Variants in IL11 observed in about 807,000 individuals in gnomAD.
The protein encoded by IL11 is interleukin 11, also known as interleukin-11.
A neutral mutation model predicts 18.1 loss-of-function variants in IL11; 17 were observed. The ratio of observed to expected loss-of-function variants is 0.94; its 90% CI spans 0.64 to 1.41. The LOEUF (loss-of-function observed/expected upper bound fraction) is 1.41. IL11 is among the 40% of genes most tolerant of loss of function. IL11 has a pLI of 0.00. For missense variants in IL11, 309 were observed against 262.8 expected (o/e 1.18, Z -1.22); for synonymous variants, 144 against 134.1 (o/e 1.07, Z -0.51).
At position 55,370,423 on chromosome 19, in the gene IL11, G is replaced by A; in HGVS notation, c.-113C>T. 4.9e-6 allele frequency: 4 copies of A among 809,736 alleles called. No individual in the cohort carries two copies. Among genetic ancestry groups the A allele is most frequent in the Non-Finnish European group, 5.4e-6 (3 of 558,364 alleles). 50.2% of individuals were successfully genotyped at this position (809,736 alleles called of 1,614,324 possible). A position where few individuals can be genotyped will look rare whatever the true frequency, so the allele number is the denominator to read the frequency against. On this transcript the variant is annotated 5_prime_UTR_variant, in exon 1 of 5. Coordinates refer to ENST00000264563, the MANE Select transcript of IL11 (RefSeq NM_000641.4). The stretch of plus-strand genomic sequence containing the variant: ...GAGGGTCAGCTGGGCCGCGGCCTGG[G>A]GAGGGGAGGCATGTGCCCTGAGCAG...
Position 55,365,729 on chromosome 19 carries a change from G to A in IL11, c.*278C>T. On this transcript the variant is annotated 3_prime_UTR_variant, in exon 5 of 5. Coordinates refer to ENST00000264563, the MANE Select transcript of IL11 (RefSeq NM_000641.4). ...CAGGCCTAGATGGGGAAGAGCCAGG[G>A]CAGAAGTCTGTGGACAGACTTCTTG... 2.1e-6 allele frequency: 1 copy of A among 476,240 alleles called. No homozygotes were observed. The highest frequency in any genetic ancestry group is 3.7e-6 in the Non-Finnish European group (1 of 271,306). 29.5% of individuals were successfully genotyped at this position (476,240 alleles called of 1,614,324 possible). A position where few individuals can be genotyped will look rare whatever the true frequency, so the allele number is the denominator to read the frequency against.
rs2089788655 is a variant in IL11, at chr19:55,366,778, C to A, written c.430-601G>T. Among the ~76,000 whole-genome samples the A allele has an allele frequency of 6.6e-6, 1 of 152,102 alleles. No individual in the cohort carries two copies. Among genetic ancestry groups the A allele is most frequent in the Non-Finnish European group, 1.5e-5 (1 of 68,026 alleles). On this transcript the variant is annotated intron_variant, in intron 4 of 4. Transcript: ENST00000264563. This position sits in a 1 kb window ranked among gnomAD's most constrained non-coding sequence, Gnocchi z 4.6. ...AGCGAGCCGAAATGGCACCATTGCA[C>A]TCTAGCCTGGGCAACAGAGCGCGAG...
chr19:55,370,094 C>T (rs1206285109), intron 1 of IL11, among the ~76,000 whole-genome samples: 3 of 152,256 alleles, frequency 2.0e-5, no homozygotes, highest in African/African-American at 7.2e-5. Context: ...CCTGCGGCGC[C>T]TCTGATTGGC....
Position 55,368,925 on chromosome 19 carries a change from G to A in IL11, c.24C>T (p.Val8=), listed in dbSNP as rs980341731. 6.6e-7 allele frequency: 1 copy of A among 1,523,878 alleles called. No individual in the cohort carries two copies. The highest frequency in any genetic ancestry group is 1.4e-5 in the African/African-American group (1 of 72,914). 94.4% of individuals were successfully genotyped at this position (1,523,878 alleles called of 1,614,324 possible). A position where few individuals can be genotyped will look rare whatever the true frequency, so the allele number is the denominator to read the frequency against. Residue 8 remains valine, a synonymous_variant, in exon 2 of 5, where the codon GTC becomes GTT. Transcript: ENST00000264563. MNCVCRL[V]LVVLSLWPDT... ...CTGGCCACAGGCTCAGCACGACCAG[G>A]ACCAGGCGGCAAACACCTGGGGGCA...
Position 55,366,287 on chromosome 19 carries a change from T to G in IL11, c.430-110A>C. On this transcript the variant is annotated intron_variant, in intron 4 of 4. Coordinates refer to ENST00000264563, the MANE Select transcript of IL11 (RefSeq NM_000641.4). This position sits in a 1 kb window ranked among gnomAD's most constrained non-coding sequence, Gnocchi z 4.6. ...CGGGGCTGCATATTCACAGGGGGAC[T>G]GTGGCGCGTGGGGTGAAGTGTTTAG... is the stretch of plus-strand genomic sequence containing the variant. 8.6e-7 allele frequency: 1 copy of G among 1,160,534 alleles called. No homozygotes were observed. 71.9% of individuals were successfully genotyped at this position (1,160,534 alleles called of 1,614,324 possible).
chr19:55,368,292 C>T lies in IL11; in HGVS notation c.347G>A (p.Gly116Asp). 1 of 1,570,916 alleles carries T rather than the reference C, an allele frequency of 6.4e-7. No homozygotes were observed. The highest frequency in any genetic ancestry group is 8.6e-7 in the Non-Finnish European group (1 of 1,157,374). ...GGGCTCCAGGGTCTTCAGGGAAGAG[C>T]CACCTGCCCGGCGCAGCCACTGCAC... is the stretch of plus-strand genomic sequence containing the variant. ...RHVQWLRRAG[G>D]SSLKTLEPEL... The change falls in exon 4 of 5, where the codon GGC (glycine) becomes GAC (aspartate). Residue 116 changes from glycine (G) to aspartate (D), a missense_variant. Gly to Asp is a moderately conservative substitution (Grantham distance 94, BLOSUM62 -1). Coordinates refer to ENST00000264563, the MANE Select transcript of IL11 (RefSeq NM_000641.4).
Position 55,366,071 on chromosome 19 carries a change from C to G in IL11, c.536G>C (p.Gly179Ala), listed in dbSNP as rs1489469892. 3 of 1,597,802 alleles carry G rather than the reference C, an allele frequency of 1.9e-6. No individual in the cohort carries two copies. The South Asian group carries it at 3.4e-5, about 18-fold the overall frequency. ...GGIRAAHAILGGLHLTLDWAV... is the reference protein window; with the variant it reads ...GGIRAAHAILAGLHLTLDWAV... ...CCAGTCAAGTGTCAGGTGCAGCCCC[C>G]CCAGGATGGCGTGGGCGGCCCTGAT... Residue 179 changes from glycine (G) to alanine (A), a missense_variant, in exon 5 of 5, where the codon GGG (glycine) becomes GCG (alanine). Coordinates refer to ENST00000264563, the MANE Select transcript of IL11 (RefSeq NM_000641.4). This position sits in a 1 kb window ranked among gnomAD's most constrained non-coding sequence, Gnocchi z 4.6.
rs1474434597 is a variant in IL11 at position 55,364,382 on chromosome 19, T to C, written c.*1625A>G. 1 of 152,230 alleles carries C rather than the reference T, an allele frequency of 6.6e-6. No individual in the cohort carries two copies. Among genetic ancestry groups the C allele is most frequent in the Non-Finnish European group, 1.5e-5 (1 of 68,050 alleles). The allele number at this position is 152,230 out of a possible 1,614,324, so 9.4% of individuals were successfully genotyped here. A position where few individuals can be genotyped will look rare whatever the true frequency, so the allele number is the denominator to read the frequency against. Reference sequence around the variant, plus strand: ...ATTTTTGGAGAGGAGGAGGCTGATATTCTGTTATTCTAAAAATAGTGTTTA... The same window carrying C: ...ATTTTTGGAGAGGAGGAGGCTGATACTCTGTTATTCTAAAAATAGTGTTTA... On this transcript the variant is annotated 3_prime_UTR_variant, in exon 5 of 5. Coordinates refer to ENST00000264563, the MANE Select transcript of IL11 (RefSeq NM_000641.4).
chr19:55,368,475 GC>G lies in IL11; in HGVS notation c.267+7del. ...CACCTTGTCCCCAGCCCACTCCCTT[GC>G]CCTTACCTGTAGAGCTCCCAGTGCC... On this transcript the variant is annotated splice_region_variant and intron_variant, in intron 3 of 4. Coordinates refer to ENST00000264563, the MANE Select transcript of IL11 (RefSeq NM_000641.4). 1 of 1,605,438 alleles carries G rather than the reference GC, an allele frequency of 6.2e-7. No individual in the cohort carries two copies. Among genetic ancestry groups the G allele is most frequent in the Non-Finnish European group, 8.5e-7 (1 of 1,175,082 alleles).
chr19:55,367,863 G>A (rs1179060631), intron 4 of IL11, among the ~76,000 whole-genome samples: 1 of 152,034 alleles, frequency 6.6e-6, no homozygotes, highest in Non-Finnish European at 1.5e-5. Context: ...TGGGTCTTAG[G>A]GGCTGGGATC....
At chr19:55,370,198 C>G in intron 1 of IL11, 106 bp downstream of exon 1, 2 of 848,536 alleles carry the variant, frequency 2.4e-6, no homozygotes, top group African/African-American at 3.4e-5. Context: ...TGCCTGTCTC[C>G]GGGTCCCTCT....
In IL11 at chr19:55,365,286, G is replaced by C. The variant is rs4252561; in HGVS notation, c.*721C>G. The C allele has an allele frequency of 0.27, 41,180 of 152,410 alleles. 5,834 individuals are homozygous for C. The highest frequency in any genetic ancestry group is 0.42 in the South Asian group (2,009 of 4,836). The allele number at this position is 152,410 out of a possible 1,614,324, so 9.4% of individuals were successfully genotyped here. ...AATTGCTTGAACCCGGGAGGTGGAGGTTGCAGTGACCTCAGATTGCCTCAC... is the reference window on the plus strand; with the variant it reads ...AATTGCTTGAACCCGGGAGGTGGAGCTTGCAGTGACCTCAGATTGCCTCAC... On this transcript the variant is annotated 3_prime_UTR_variant, in exon 5 of 5. Coordinates refer to ENST00000264563, the MANE Select transcript of IL11 (RefSeq NM_000641.4).
Position 55,368,260 on chromosome 19 carries a change from C to CCAGCT in IL11, c.374_378dup (p.Gly127SerfsTer19), listed in dbSNP as rs1569032128. On this transcript the variant is annotated frameshift_variant, in exon 4 of 5. Coordinates refer to ENST00000264563, the MANE Select transcript of IL11 (RefSeq NM_000641.4). LOFTEE classifies it high-confidence loss of function. ...CGGTCCAGTCGGGCCTGCAGGGTGCCCAGCTCGGGCTCCAGGGTCTTCAGG... is the reference window on the plus strand; with the variant it reads ...CGGTCCAGTCGGGCCTGCAGGGTGCCCAGCTCAGCTCGGGCTCCAGGGTCTTCAGG... 4 of 1,550,024 alleles carry CCAGCT rather than the reference C, an allele frequency of 2.6e-6. No homozygotes were observed. The highest frequency in any genetic ancestry group is 3.5e-6 in the Non-Finnish European group (4 of 1,146,486).
chr19:55,369,050 C>T lies in IL11; in HGVS notation c.8-109G>A. ...GGAGGAGGAACTGGGGTCTGGACTC[C>T]TCCTGGGTCTGAGGGAGGAGAGGCT... is the stretch of plus-strand genomic sequence containing the variant. On this transcript the variant is annotated intron_variant, in intron 1 of 4. Transcript: ENST00000264563. The surrounding 1 kb of genome is among the most constrained non-coding windows in gnomAD (Gnocchi z 6.1). The T allele has an allele frequency of 2.0e-6, 2 of 1,020,716 alleles. No individual in the cohort carries two copies. The highest frequency in any genetic ancestry group is 2.8e-6 in the Non-Finnish European group (2 of 719,720). The allele number at this position is 1,020,716 out of a possible 1,614,324, so 63.2% of individuals were successfully genotyped here. A position where few individuals can be genotyped will look rare whatever the true frequency, so the allele number is the denominator to read the frequency against.
In IL11 at chr19:55,368,310, C is replaced by A; in HGVS notation, c.329G>T (p.Trp110Leu). The change falls in exon 4 of 5, where the codon TGG becomes TTG. Residue 110 changes from tryptophan (W) to leucine (L), a missense_variant. By Grantham distance (61) the Trp-to-Leu change is moderately conservative. Transcript: ENST00000264563. ...DLLSYLRHVQ[W>L]LRRAGGSSLK... is the part of the protein sequence containing the mutation. ...GGAAGAGCCACCTGCCCGGCGCAGC[C>A]ACTGCACGTGCCGCAGGTAGGACAG... 1 of 1,590,962 alleles carries A rather than the reference C, an allele frequency of 6.3e-7. No individual in the cohort carries two copies. Among genetic ancestry groups the A allele is most frequent in the Non-Finnish European group, 8.6e-7 (1 of 1,168,048 alleles).
rs774860817 is a variant in IL11, at chr19:55,368,459, C to A, written c.267+24G>T. ...TTCACTGCCTGCCTCCCACCTTGTC[C>A]CCAGCCCACTCCCTTGCCCTTACCT... On this transcript the variant is annotated intron_variant, in intron 3 of 4. Coordinates refer to ENST00000264563, the MANE Select transcript of IL11 (RefSeq NM_000641.4). The A allele has an allele frequency of 1.9e-5, 30 of 1,589,720 alleles. No homozygotes were observed. In the South Asian group the frequency reaches 3.2e-4, roughly 17 times the overall value.
intron 1 of IL11, 60 bp downstream of exon 1, chr19:55,370,244 C>T: frequency 7.6e-7 from 1 of 1,309,438 alleles, no homozygotes; most frequent in Non-Finnish European, 1.1e-6. Context: ...CCACCCCCGC[C>T]GTGGGTCCCT....
rs2089779077 is a variant in IL11 at position 55,365,413 on chromosome 19, C to T, written c.*594G>A. The T allele has an allele frequency of 6.3e-6, 1 of 158,582 alleles. No homozygotes were observed. The highest frequency in any genetic ancestry group is 2.4e-5 in the African/African-American group (1 of 41,446). The allele number at this position is 158,582 out of a possible 1,614,324, so 9.8% of individuals were successfully genotyped here. ...AGGCAAGGCTCAGACCCTGCCTCCA[C>T]AGAGCTGTCTGGGTGACCGACCCAT... On this transcript the variant is annotated 3_prime_UTR_variant, in exon 5 of 5. Coordinates refer to ENST00000264563, the MANE Select transcript of IL11 (RefSeq NM_000641.4).
chr19:55,365,840 T>G lies in IL11; in HGVS notation c.*167A>C. 1 of 1,088,854 alleles carries G rather than the reference T, an allele frequency of 9.2e-7. No homozygotes were observed. Among genetic ancestry groups the G allele is most frequent in the Non-Finnish European group, 1.3e-6 (1 of 780,956 alleles). The allele number at this position is 1,088,854 out of a possible 1,614,324, so 67.4% of individuals were successfully genotyped here. A position where few individuals can be genotyped will look rare whatever the true frequency, so the allele number is the denominator to read the frequency against. On this transcript the variant is annotated 3_prime_UTR_variant, in exon 5 of 5. Transcript: ENST00000264563. ...CTCCCACCCCTGCTCCTGAAATAAA[T>G]AAGTATAAATAAGGCACAGATGCCC... is the stretch of plus-strand genomic sequence containing the variant.
Sources: allele counts gnomAD v4.1 joint callset (sites outside exome capture counted in the v4.1 genomes callset), GRCh38; gene constraint gnomAD v4.1.1; non-coding constraint Gnocchi (gnomAD v3.1); transcripts MANE v1.5; gene names NCBI Gene and HGNC (gene_info 2026-07-23, HGNC 2026-07-21).